HBS1L: variants seen among roughly 807,000 people sequenced by gnomAD.
HBS1L encodes HBS1 like translational GTPase, also known as HBS1-like protein.
HBS1L carries 55 observed loss-of-function variants against 88.9 expected under a neutral mutation model. That is an observed-to-expected ratio of 0.62 (90% CI 0.50 to 0.77). The LOEUF (loss-of-function observed/expected upper bound fraction) is 0.77. Among genes scored for constraint, HBS1L ranks in the 30% least tolerant of loss-of-function variants. The pLI is 0.00. For missense variants in HBS1L, 741 were observed against 829.3 expected, an observed-to-expected ratio of 0.89 and a Z score of 1.31; for synonymous variants, 267 against 288.5, an observed-to-expected ratio of 0.93 and a Z score of 0.76.
At chr6:135,015,301 G>T (rs887372439) in intron 4 of HBS1L, among the ~76,000 whole-genome samples, 2 of 152,180 alleles carry the variant, frequency 1.3e-5, no homozygotes, top group Non-Finnish European at 2.9e-5. Flanking sequence ...TACAGTTGGA[G>T]AGCCATATGT....
Position 135,042,077 on chromosome 6 carries a change from C to T in HBS1L, c.159G>A (p.Val53=). ...TCAGATCTTCATAATCATATTCTTC[C>T]ACAGGCTCAACGGAAGGTTTGTCAC... ...SRRDKPSVEP[V]EEYDYEDLKE... The change falls in exon 3 of 18, where the codon GTG becomes GTA. Residue 53 remains valine, a synonymous_variant. Coordinates refer to ENST00000367837, the MANE Select transcript of HBS1L (RefSeq NM_006620.4). 6.2e-7 allele frequency: 1 copy of T among 1,613,094 alleles called. No homozygotes were observed. The highest frequency in any genetic ancestry group is 1.3e-5 in the African/African-American group (1 of 75,006).
intron 2 of HBS1L, among the ~76,000 whole-genome samples, chr6:135,043,586 G>C (rs188958850): frequency 2.0e-5 from 3 of 152,182 alleles, no homozygotes; most frequent in Admixed American, 6.5e-5. Context: ...TAGAAGGGAG[G>C]GCAAAGAAGA....
intron 5 of HBS1L, among the ~76,000 whole-genome samples, chr6:134,999,499 G>A (rs939339519): frequency 1.4e-5 from 2 of 146,372 alleles, no homozygotes; most frequent in Non-Finnish European, 3.0e-5. Flanking sequence ...CCAGGCTGGA[G>A]TGCAATGGTG....
At chr6:135,015,771 TG>T (rs1477537479) in intron 4 of HBS1L, among the ~76,000 whole-genome samples, 1 of 151,736 alleles carries the variant, frequency 6.6e-6, no homozygotes, top group Admixed American at 6.6e-5. Flanking sequence ...TTAGTAGACA[TG>T]GGGTTTCGCT....
At chr6:135,004,536 C>T (rs1293747079) in intron 4 of HBS1L, among the ~76,000 whole-genome samples, 1 of 152,038 alleles carries the variant, frequency 6.6e-6, no homozygotes, top group Non-Finnish European at 1.5e-5. Context: ...CTACATGAAG[C>T]TGGAGAGATG....
At chr6:135,025,210 T>C (rs1001107748) in intron 4 of HBS1L, among the ~76,000 whole-genome samples, 2 of 152,142 alleles carry the variant, frequency 1.3e-5, no homozygotes, top group African/African-American at 2.4e-5. Flanking sequence ...TTCAAAAAAG[T>C]AGGAAACAGT....
At chr6:135,042,217 A>G in intron 2 of HBS1L, 91 bp from the exon 3 acceptor site, 1 of 1,188,854 alleles carries the variant, frequency 8.4e-7, no homozygotes, top group Non-Finnish European at 1.2e-6. Context: ...TAAAAATTCT[A>G]ATCAATCACC....
intron 1 of HBS1L, among the ~76,000 whole-genome samples, chr6:135,052,608 A>C (rs952428300): frequency 2.6e-5 from 4 of 151,290 alleles, no homozygotes; most frequent in African/African-American, 4.9e-5. Flanking sequence ...AAGAAAAAAA[A>C]CTCTTTTTTA....
chr6:135,043,654 G>A (rs1407165031), intron 2 of HBS1L, among the ~76,000 whole-genome samples: 6 of 152,082 alleles, frequency 3.9e-5, no homozygotes, highest in East Asian at 1.9e-4. Flanking sequence ...CAAGCACTGC[G>A]GAAGCACAGA....
At chr6:134,973,800 C>G (rs998584758) in intron 15 of HBS1L, among the ~76,000 whole-genome samples, 2 of 151,484 alleles carry the variant, frequency 1.3e-5, no homozygotes, top group African/African-American at 4.9e-5. Flanking sequence ...TGTGCCACTG[C>G]ACTCTAGCCT....
At chr6:135,045,448 A>C (rs1776883247) in intron 2 of HBS1L, among the ~76,000 whole-genome samples, 1 of 152,194 alleles carries the variant, frequency 6.6e-6, no homozygotes, top group Non-Finnish European at 1.5e-5. Context: ...TAAAAATCAC[A>C]TGAGGCATTC....
At chr6:134,997,168 C>T (rs1306286775) in intron 6 of HBS1L, among the ~76,000 whole-genome samples, 1 of 152,050 alleles carries the variant, frequency 6.6e-6, no homozygotes, top group Non-Finnish European at 1.5e-5. Flanking sequence ...ACAAGACACG[C>T]CAATTTCAAA....
chr6:135,003,076 C>A (rs893725143), intron 4 of HBS1L, among the ~76,000 whole-genome samples: 1 of 152,166 alleles, frequency 6.6e-6, no homozygotes, highest in Non-Finnish European at 1.5e-5. Flanking sequence ...TCCACCAAAT[C>A]TCTTCCTAAT....
At chr6:135,008,434 C>T (rs566132972) in intron 4 of HBS1L, among the ~76,000 whole-genome samples, 1 of 152,306 alleles carries the variant, frequency 6.6e-6, no homozygotes, top group East Asian at 1.9e-4. Context: ...CTCCAGCTAC[C>T]TCTGCAGCAA....
At chr6:134,996,508 G>C (rs777157597) in intron 7 of HBS1L, among the ~76,000 whole-genome samples, 4 of 151,958 alleles carry the variant, frequency 2.6e-5, no homozygotes, top group Non-Finnish European at 5.9e-5. Flanking sequence ...AGAATAATCA[G>C]CTTATGATTT....
Position 134,986,750 on chromosome 6 carries a change from G to A in HBS1L, c.1291C>T (p.Gln431Ter). Residue 431 changes from glutamine to a stop codon, truncating the protein, a stop_gained, in exon 10 of 18, where the codon CAA (glutamine) becomes TAA (stop). Transcript: ENST00000367837. LOFTEE classifies it high-confidence loss of function. ...ITGKLGHFLK[Q>*]AGFKESDVGF... Reference sequence around the variant, plus strand: ...AATGATCTTACCTTAAAACCTGCTTGCTTAAGAAAGTGCCCAAGTTTTCCA... The same window carrying A: ...AATGATCTTACCTTAAAACCTGCTTACTTAAGAAAGTGCCCAAGTTTTCCA... 1 of 1,560,542 alleles carries A rather than the reference G, an allele frequency of 6.4e-7. No homozygotes were observed. The highest frequency in any genetic ancestry group is 8.7e-7 in the Non-Finnish European group (1 of 1,151,380).
At chr6:134,981,625 A>AT (rs974212451) in intron 13 of HBS1L, among the ~76,000 whole-genome samples, 1 of 151,896 alleles carries the variant, frequency 6.6e-6, no homozygotes, top group Non-Finnish European at 1.5e-5. Flanking sequence ...AATCTAAAAA[A>AT]TTTTTGCATT....
chr6:135,032,093 C>T (rs1443978295), intron 4 of HBS1L, among the ~76,000 whole-genome samples: 2 of 151,664 alleles, frequency 1.3e-5, no homozygotes, highest in African/African-American at 4.8e-5. Flanking sequence ...AAATTTTACC[C>T]CATGGAAGGC....
chr6:134,977,534 T>C (rs890447942), intron 15 of HBS1L, among the ~76,000 whole-genome samples: 1 of 152,030 alleles, frequency 6.6e-6, no homozygotes, highest in Non-Finnish European at 1.5e-5. Context: ...AAATGGAATA[T>C]AATTATGTAA....
Sources: allele counts gnomAD v4.1 joint callset (sites outside exome capture counted in the v4.1 genomes callset), GRCh38; gene constraint gnomAD v4.1.1; transcripts MANE v1.5; gene names NCBI Gene and HGNC (gene_info 2026-07-23, HGNC 2026-07-21).